The following SIK3 variants were observed in gnomAD, a reference collection of about 807,000 sequenced individuals.
SIK3 encodes serine/threonine-protein kinase SIK3.
Under a neutral mutation model 144.2 loss-of-function variants are expected in SIK3, and 28 were observed. That is an observed-to-expected ratio of 0.19 (90% CI 0.14 to 0.27). SIK3 has a LOEUF of 0.27. Among genes scored for constraint, SIK3 ranks in the 10% least tolerant of loss-of-function variants. SIK3 has a pLI of 1.00. For missense variants in SIK3, 1,319 were observed against 1,776.0 expected, an observed-to-expected ratio of 0.74 and a Z score of 4.62; for synonymous variants, 686 against 676.3, an observed-to-expected ratio of 1.01 and a Z score of -0.22.
chr11:117,063,122 T>C (rs1251453755), intron 1 of SIK3, among the ~76,000 whole-genome samples: 1 of 152,220 alleles, frequency 6.6e-6, no homozygotes, highest in Non-Finnish European at 1.5e-5. Context: ...TTTAAAAGAA[T>C]GTATTACATG....
intron 1 of SIK3, among the ~76,000 whole-genome samples, chr11:116,961,901 A>G (rs1949361974): frequency 6.6e-6 from 1 of 152,224 alleles, no homozygotes; most frequent in African/African-American, 2.4e-5. Flanking sequence ...AATTAAATTT[A>G]GATCATGCCA....
chr11:117,034,927 T>G (rs1952428564), intron 1 of SIK3, among the ~76,000 whole-genome samples: 1 of 152,252 alleles, frequency 6.6e-6, no homozygotes, highest in Non-Finnish European at 1.5e-5. Context: ...TCAGTGTACC[T>G]TGCTAATATT....
chr11:117,046,128 T>C (rs887055383), intron 1 of SIK3, among the ~76,000 whole-genome samples: 1 of 152,240 alleles, frequency 6.6e-6, no homozygotes, highest in Non-Finnish European at 1.5e-5. Flanking sequence ...AATTCCTCAC[T>C]GTTCTGCACA....
rs76930628 is a variant in SIK3 at position 116,965,385 on chromosome 11, A to T, written c.274-8321T>A. Among the ~76,000 whole-genome samples the T allele has an allele frequency of 3.4e-3, 496 of 145,290 alleles. 3 individuals carry two copies. The highest frequency in any genetic ancestry group is 0.018 in the East Asian group (91 of 5,080). On this transcript the variant is annotated intron_variant, in intron 1 of 24. Transcript: ENST00000445177. ...ATGTATTCAACAATTTTTTTTTTTT[A>T]AAAAAAAGGAGTGGAGGAAAAGAGA...
At chr11:116,988,460 C>T (rs540513178) in intron 1 of SIK3, among the ~76,000 whole-genome samples, 4 of 151,998 alleles carry the variant, frequency 2.6e-5, no homozygotes, top group African/African-American at 7.2e-5. Flanking sequence ...AGAATAGCCA[C>T]AAAGTATCAG....
chr11:116,986,441 C>G (rs1950327550), intron 1 of SIK3, among the ~76,000 whole-genome samples: 1 of 152,164 alleles, frequency 6.6e-6, no homozygotes, highest in South Asian at 2.1e-4. Context: ...CCTGATGAGT[C>G]TCTATCCCAT....
In SIK3 at chr11:116,938,148, T is replaced by G. The variant is rs186658772; in HGVS notation, c.455-10768A>C. Among the ~76,000 whole-genome samples the G allele has an allele frequency of 5.0e-3, 667 of 133,212 alleles. 7 individuals are homozygous for G. The highest frequency in any genetic ancestry group is 0.019 in the African/African-American group (639 of 34,516). The allele number at this position is 133,212 out of a possible 152,430, so 87.4% of individuals were successfully genotyped here. A position where few individuals can be genotyped will look rare whatever the true frequency, so the allele number is the denominator to read the frequency against. ...TGAACCTGGGAGGCGGAGGCTGCAG[T>G]GAGCTGAGTTCACACCACTGCACTC... is the stretch of plus-strand genomic sequence containing the variant. On this transcript the variant is annotated intron_variant, in intron 3 of 24. Coordinates refer to ENST00000445177, the MANE Select transcript of SIK3 (RefSeq NM_001366686.3).
intron 1 of SIK3, among the ~76,000 whole-genome samples, chr11:117,033,808 TAAG>T (rs775353614): frequency 1.7e-4 from 25 of 149,618 alleles, no homozygotes; most frequent in Admixed American, 4.0e-4. Context: ...ATAATGGATA[TAAG>T]AAGATTGATC....
chr11:116,999,618 G>C (rs566215195), intron 1 of SIK3, among the ~76,000 whole-genome samples: 5 of 151,442 alleles, frequency 3.3e-5, no homozygotes, highest in Non-Finnish European at 5.9e-5. Flanking sequence ...TTTTTCAGTA[G>C]AGATGGGGTT....
chr11:116,993,885 CG>C (rs1950575165), intron 1 of SIK3, among the ~76,000 whole-genome samples: 1 of 152,152 alleles, frequency 6.6e-6, no homozygotes, highest in Admixed American at 6.5e-5. Context: ...GTGCCTTTTC[CG>C]AACTGTGTGG....
At chr11:117,060,009 A>T (rs1953721460) in intron 1 of SIK3, among the ~76,000 whole-genome samples, 1 of 152,250 alleles carries the variant, frequency 6.6e-6, no homozygotes, top group Admixed American at 6.5e-5. Flanking sequence ...GTATTTAGCC[A>T]AATGAGCTGA....
intron 1 of SIK3, among the ~76,000 whole-genome samples, chr11:117,040,700 T>C (rs1463366162): frequency 1.3e-5 from 2 of 152,150 alleles, no homozygotes; most frequent in East Asian, 1.9e-4. Context: ...AGTGAAGACT[T>C]ACCATGGAAG....
chr11:117,014,908 A>G (rs1196393010), intron 1 of SIK3, among the ~76,000 whole-genome samples: 1 of 152,102 alleles, frequency 6.6e-6, no homozygotes, highest in Non-Finnish European at 1.5e-5. Context: ...TACTAAAAAT[A>G]TGAAAATTAG....
rs773625150 is a variant in SIK3, at chr11:116,895,680, A to G, written c.865+573T>C. ...GTATCTTGTATCTATTTTCGGTGTTAAATTTTTCCAAGACCTGCCTACCTT... is the reference window on the plus strand; with the variant it reads ...GTATCTTGTATCTATTTTCGGTGTTGAATTTTTCCAAGACCTGCCTACCTT... On this transcript the variant is annotated intron_variant, in intron 6 of 24. Transcript: ENST00000445177. 7.6e-4 allele frequency among the ~76,000 whole-genome samples: 116 copies of G among 152,216 alleles called. 2 individuals are homozygous for G. The highest frequency in any genetic ancestry group is 2.7e-3 in the Admixed American group (42 of 15,280).
At chr11:117,075,317 C>T (rs920683378) in intron 1 of SIK3, among the ~76,000 whole-genome samples, 2 of 152,114 alleles carry the variant, frequency 1.3e-5, no homozygotes, top group Admixed American at 6.5e-5. Flanking sequence ...AACTATAAAC[C>T]TGAGAAATAA....
At chr11:117,050,218 G>A (rs1393417122) in intron 1 of SIK3, among the ~76,000 whole-genome samples, 1 of 151,088 alleles carries the variant, frequency 6.6e-6, no homozygotes, top group East Asian at 2.0e-4. Flanking sequence ...GAACCTGGGA[G>A]ACGGAAGTTG....
At chr11:116,898,200 C>T (rs1230965175) in intron 4 of SIK3, among the ~76,000 whole-genome samples, 3 of 151,824 alleles carry the variant, frequency 2.0e-5, no homozygotes, top group Non-Finnish European at 2.9e-5. Context: ...GTTCAATTCC[C>T]ACCTATGAGT....
chr11:116,937,015 A>G (rs575016399), intron 3 of SIK3, among the ~76,000 whole-genome samples: 11 of 152,306 alleles, frequency 7.2e-5, no homozygotes, highest in African/African-American at 2.4e-4. Context: ...CGCCCTAGAA[A>G]AACTGCTCCA....
intron 21 of SIK3, among the ~76,000 whole-genome samples, chr11:116,856,111 G>T (rs1280275104): frequency 6.6e-6 from 1 of 151,794 alleles, no homozygotes; most frequent in African/African-American, 2.4e-5. Flanking sequence ...GCAGGAGAAT[G>T]GCGTGAGCAT....
Sources: allele counts gnomAD v4.1 joint callset (sites outside exome capture counted in the v4.1 genomes callset), GRCh38; gene constraint gnomAD v4.1.1; transcripts MANE v1.5; gene names NCBI Gene and HGNC (gene_info 2026-07-23, HGNC 2026-07-21).